Variants in GPC6 observed in about 807,000 individuals in gnomAD.
GPC6 encodes glypican 6.
GPC6 carries 14 observed loss-of-function variants against 55.2 expected under a neutral mutation model. That is an observed-to-expected ratio of 0.25 (90% CI 0.17 to 0.40). The LOEUF is 0.40. GPC6 is among the 10% of genes least tolerant of loss of function. The probability of loss-of-function intolerance (pLI) is 1.00; values close to 1 mark genes in which losing one functional copy is unlikely to be tolerated. For missense variants in GPC6, 641 were observed against 708.5 expected (o/e 0.90, Z 1.08); for synonymous variants, 278 against 259.6 (o/e 1.07, Z -0.68).
intron 2 of GPC6, among the ~76,000 whole-genome samples, chr13:93,565,534 A>G (rs1876055364): frequency 6.6e-6 from 1 of 152,156 alleles, no homozygotes; most frequent in African/African-American, 2.4e-5. Context: ...TTGATTCTCA[A>G]GGACGTCATT....
At chr13:93,610,886 G>GTAAGTATAAAA (rs1878432411) in intron 2 of GPC6, among the ~76,000 whole-genome samples, 1 of 151,910 alleles carries the variant, frequency 6.6e-6, no homozygotes, top group Non-Finnish European at 1.5e-5. Context: ...CACTCATTTA[G>GTAAGTATAAAA]TAAGTATAAA....
In GPC6 at chr13:93,623,455, CT is replaced by C. The variant is rs567830011; in HGVS notation, c.319+78055del. On this transcript the variant is annotated intron_variant, in intron 2 of 8. Transcript: ENST00000377047. Reference sequence around the variant, plus strand: ...TGGTTGTTTTCTTTTCTTTTCTTTTCTTTTTTTTTTTTTTTTTTTTTGAGAC... The same window carrying C: ...TGGTTGTTTTCTTTTCTTTTCTTTTCTTTTTTTTTTTTTTTTTTTTGAGAC... Among the ~76,000 whole-genome samples the C allele has an allele frequency of 7.7e-3, 890 of 116,128 alleles. 4 individuals are homozygous for C. Among genetic ancestry groups the C allele is most frequent in the African/African-American group, 0.018 (528 of 29,212 alleles). 76.2% of individuals were successfully genotyped at this position (116,128 alleles called of 152,430 possible). A position where few individuals can be genotyped will look rare whatever the true frequency, so the allele number is the denominator to read the frequency against.
At chr13:94,056,073 T>A (rs998818672) in intron 4 of GPC6, among the ~76,000 whole-genome samples, 2 of 152,208 alleles carry the variant, frequency 1.3e-5, no homozygotes, top group African/African-American at 4.8e-5. Context: ...ACTGGTTTGG[T>A]CCCTACTGTA....
intron 1 of GPC6, among the ~76,000 whole-genome samples, chr13:93,322,051 A>C (rs1233195398): frequency 1.3e-5 from 2 of 152,200 alleles, no homozygotes; most frequent in African/African-American, 4.8e-5. Flanking sequence ...TAATTTATAC[A>C]ATTGTATAAA....
intron 4 of GPC6, among the ~76,000 whole-genome samples, chr13:94,044,670 A>T (rs1883661205): frequency 6.6e-6 from 1 of 151,862 alleles, no homozygotes; most frequent in South Asian, 2.1e-4. Flanking sequence ...TCAAAAGATA[A>T]GTACATATGT....
At chr13:93,923,197 G>A (rs1877665656) in intron 3 of GPC6, among the ~76,000 whole-genome samples, 1 of 152,118 alleles carries the variant, frequency 6.6e-6, no homozygotes, top group Non-Finnish European at 1.5e-5. Flanking sequence ...ACAATTGCAG[G>A]CTACAGATGC....
At chr13:93,553,140 T>G (rs145706567) in intron 2 of GPC6, among the ~76,000 whole-genome samples, 379 of 152,248 alleles carry the variant, frequency 2.5e-3, no homozygotes, top group African/African-American at 8.7e-3. Flanking sequence ...AACCACTCAC[T>G]CTCTCTGGGA....
chr13:93,490,156 T>C (rs1289675184), intron 1 of GPC6, among the ~76,000 whole-genome samples: 1 of 151,524 alleles, frequency 6.6e-6, no homozygotes, highest in Non-Finnish European at 1.5e-5. Flanking sequence ...ATACCTAATT[T>C]ATTGAGAGTT....
intron 2 of GPC6, among the ~76,000 whole-genome samples, chr13:93,694,114 C>A (rs1882360291): frequency 6.6e-6 from 1 of 152,138 alleles, no homozygotes; most frequent in Non-Finnish European, 1.5e-5. Context: ...TTCCAATTCT[C>A]TCTCCCCCTC....
rs7334430 is a variant in GPC6, at chr13:94,404,882, C to A, written c.*1665C>A. 0.19 allele frequency: 29,317 copies of A among 152,118 alleles called. 3,789 individuals are homozygous for A. The highest frequency in any genetic ancestry group is 0.63 in the East Asian group (3,258 of 5,160). 9.4% of individuals were successfully genotyped at this position (152,118 alleles called of 1,614,324 possible). On this transcript the variant is annotated 3_prime_UTR_variant, in exon 9 of 9. Transcript: ENST00000377047. ...CTGACAGAGAGAAGCAAAATAAACC[C>A]AACTGGGGGCTTTATGAATACAGTT...
chr13:94,062,969 T>C (rs1884385932), intron 4 of GPC6, among the ~76,000 whole-genome samples: 1 of 152,142 alleles, frequency 6.6e-6, no homozygotes, highest in African/African-American at 2.4e-5. Flanking sequence ...AAATAATGCA[T>C]GGGGATGTTT....
chr13:94,006,869 A>G (rs1281207479), intron 3 of GPC6, among the ~76,000 whole-genome samples: 2 of 152,136 alleles, frequency 1.3e-5, no homozygotes, highest in Non-Finnish European at 2.9e-5. Context: ...ATAAAGAACT[A>G]TTACTGTTTG....
chr13:93,730,925 C>T (rs958642891), intron 2 of GPC6, among the ~76,000 whole-genome samples: 1 of 152,126 alleles, frequency 6.6e-6, no homozygotes, highest in African/African-American at 2.4e-5. Context: ...TCACCCCTTG[C>T]TGGAATGTGC....
At chr13:94,213,944 T>C (rs557212661) in intron 4 of GPC6, among the ~76,000 whole-genome samples, 1 of 152,348 alleles carries the variant, frequency 6.6e-6, no homozygotes, top group Admixed American at 6.5e-5. Context: ...TTTTAAGAGT[T>C]ATATGGCAAT....
At chr13:94,120,587 G>A (rs78388313) in intron 4 of GPC6, among the ~76,000 whole-genome samples, 1,872 of 151,898 alleles carry the variant, frequency 0.012, 33 homozygotes, top group African/African-American at 0.042. Flanking sequence ...GCAACTGATA[G>A]CATTTTACAA....
chr13:93,227,548 G>A lies in GPC6; in HGVS notation c.92G>A (p.Gly31Glu), dbSNP rs376392142. 4.3e-6 allele frequency: 7 copies of A among 1,613,316 alleles called. No individual in the cohort carries two copies. Among genetic ancestry groups the A allele is most frequent in the East Asian group, 2.2e-5 (1 of 44,826 alleles). ...GCGGATGTGAAGGCTCGGAGCTGCG[G>A]AGAGGTCCGCCAGGCGTACGGTGCC... is the stretch of plus-strand genomic sequence containing the variant. ...AGADVKARSCGEVRQAYGAKG... is the reference protein window; with the variant it reads ...AGADVKARSCEEVRQAYGAKG... Residue 31 changes from glycine (G) to glutamate (E), a missense_variant, in exon 1 of 9, where the codon GGA becomes GAA. Physicochemically the swap from Gly to Glu is moderately conservative, Grantham distance 98. Coordinates refer to ENST00000377047, the MANE Select transcript of GPC6 (RefSeq NM_005708.5). The surrounding 1 kb of genome is among the most constrained non-coding windows in gnomAD (Gnocchi z 4.3).
At chr13:93,357,636 C>CA (rs1480249554) in intron 1 of GPC6, among the ~76,000 whole-genome samples, 6 of 150,962 alleles carry the variant, frequency 4.0e-5, no homozygotes, top group Admixed American at 1.3e-4. Context: ...CTCAGATGCT[C>CA]AAAATCAGCC....
At chr13:94,150,011 G>A (rs1487781066) in intron 4 of GPC6, among the ~76,000 whole-genome samples, 1 of 152,034 alleles carries the variant, frequency 6.6e-6, no homozygotes, top group Admixed American at 6.6e-5. Context: ...AGGATAACAG[G>A]AAGCACATGG....
In GPC6 at chr13:94,406,994, G is replaced by A. The variant is rs1348260751; in HGVS notation, c.*3777G>A. On this transcript the variant is annotated 3_prime_UTR_variant, in exon 9 of 9. Transcript: ENST00000377047. ...ACCATAACTTATAAATTTGTAATGT[G>A]TTCCTCCTTGTTGGAGACATTAGCC... 3 of 152,096 alleles carry A rather than the reference G, an allele frequency of 2.0e-5. No individual in the cohort carries two copies. Among genetic ancestry groups the A allele is most frequent in the Admixed American group, 1.3e-4 (2 of 15,266 alleles). 9.4% of individuals were successfully genotyped at this position (152,096 alleles called of 1,614,324 possible). A position where few individuals can be genotyped will look rare whatever the true frequency, so the allele number is the denominator to read the frequency against.
Sources: allele counts gnomAD v4.1 joint callset (sites outside exome capture counted in the v4.1 genomes callset), GRCh38; gene constraint gnomAD v4.1.1; non-coding constraint Gnocchi (gnomAD v3.1); transcripts MANE v1.5; gene names NCBI Gene and HGNC (gene_info 2026-07-23, HGNC 2026-07-21).